Variants in PPP1R12B observed in about 807,000 individuals in gnomAD.
PPP1R12B encodes the protein myosin phosphatase target subunit 2.
A neutral mutation model predicts 126.1 loss-of-function variants in PPP1R12B; 76 were observed. That is an observed-to-expected ratio of 0.60 (90% CI 0.50 to 0.73). The LOEUF (loss-of-function observed/expected upper bound fraction) is 0.73. Among genes scored for constraint, PPP1R12B ranks in the 30% least tolerant of loss-of-function variants. The probability of loss-of-function intolerance (pLI) is 0.00; values close to 1 mark genes in which losing one functional copy is unlikely to be tolerated. For missense variants in PPP1R12B, 1,052 were observed against 1,205.1 expected, an observed-to-expected ratio of 0.87 and a Z score of 1.88; for synonymous variants, 356 against 434.7, an observed-to-expected ratio of 0.82 and a Z score of 2.25.
In PPP1R12B at chr1:202,416,842, A is replaced by C. The variant is rs771903776; in HGVS notation, c.347A>C (p.Asn116Thr). Residue 116 changes from asparagine to threonine, a missense_variant, in exon 2 of 24, where the codon AAT becomes ACT. Physicochemically the swap from Asn to Thr is moderately conservative, Grantham distance 65. Coordinates refer to ENST00000608999, the MANE Select transcript of PPP1R12B (RefSeq NM_002481.4). ...MVKFLVENRANVNQQDNEGWT... is the reference protein window; with the variant it reads ...MVKFLVENRATVNQQDNEGWT... ...AAGTTTCTGGTGGAGAACAGAGCCAATGTAAACCAGCAAGACAACGAGGGC... is the reference window on the plus strand; with the variant it reads ...AAGTTTCTGGTGGAGAACAGAGCCACTGTAAACCAGCAAGACAACGAGGGC... The C allele has an allele frequency of 2.5e-6, 4 of 1,614,084 alleles. No individual in the cohort carries two copies. Among genetic ancestry groups the C allele is most frequent in the Non-Finnish European group, 3.4e-6 (4 of 1,179,966 alleles).
chr1:202,404,852 G>C (rs929928993), intron 1 of PPP1R12B, among the ~76,000 whole-genome samples: 3 of 152,120 alleles, frequency 2.0e-5, no homozygotes, highest in African/African-American at 7.2e-5. Flanking sequence ...GACCAAGTTA[G>C]CAACTTCTTA....
At chr1:202,563,902 C>T (rs1312582760) in intron 20 of PPP1R12B, among the ~76,000 whole-genome samples, 4 of 152,004 alleles carry the variant, frequency 2.6e-5, no homozygotes, top group Non-Finnish European at 5.9e-5. Context: ...ACCCCCATCT[C>T]CACAAAAAAT....
At chr1:202,519,742 C>A (rs565015625) in intron 18 of PPP1R12B, among the ~76,000 whole-genome samples, 1 of 152,118 alleles carries the variant, frequency 6.6e-6, no homozygotes, top group South Asian at 2.1e-4. Context: ...TTGCTGCATG[C>A]TCCTTAGTTT....
chr1:202,567,509 T>C (rs561942850), intron 21 of PPP1R12B: 13 of 416,724 alleles, frequency 3.1e-5, no homozygotes, highest in Middle Eastern at 6.4e-4. Context: ...GAGAGAGAGA[T>C]TGTGTGTTGT....
At chr1:202,558,813 C>G (rs1485451937) in intron 18 of PPP1R12B, 64 bp from the exon 19 acceptor site, 28 of 1,071,414 alleles carry the variant, frequency 2.6e-5, no homozygotes, top group Non-Finnish European at 3.7e-5. Context: ...AAATCAGTCT[C>G]TTGCTAATGC....
chr1:202,374,387 A>G (rs545130935), intron 1 of PPP1R12B, among the ~76,000 whole-genome samples: 1 of 152,212 alleles, frequency 6.6e-6, no homozygotes, highest in Non-Finnish European at 1.5e-5. Flanking sequence ...AATAAAAGAG[A>G]CATGGACCTC....
chr1:202,511,558 CT>C (rs1371388006), intron 18 of PPP1R12B, among the ~76,000 whole-genome samples: 1 of 151,954 alleles, frequency 6.6e-6, no homozygotes, highest in Non-Finnish European at 1.5e-5. Flanking sequence ...ACCCTTCCCC[CT>C]GAGTCCCCAA....
intron 13 of PPP1R12B, among the ~76,000 whole-genome samples, chr1:202,474,681 A>G (rs927043548): frequency 2.0e-4 from 30 of 152,036 alleles, no homozygotes; most frequent in Non-Finnish European, 3.8e-4. Flanking sequence ...TTTTAATTGG[A>G]TTCTCGGGAC....
intron 1 of PPP1R12B, among the ~76,000 whole-genome samples, chr1:202,375,207 G>T (rs749564752): frequency 6.6e-6 from 1 of 152,166 alleles, no homozygotes; most frequent in Non-Finnish European, 1.5e-5. Flanking sequence ...GCCTCCCAAA[G>T]TGCTAGGATT....
At chr1:202,411,777 G>A (rs1265354914) in intron 1 of PPP1R12B, among the ~76,000 whole-genome samples, 2 of 152,106 alleles carry the variant, frequency 1.3e-5, no homozygotes, top group East Asian at 3.9e-4. Flanking sequence ...CCCACTCTAG[G>A]TTGTACACAT....
rs1459337882 is a variant in PPP1R12B at position 202,564,444 on chromosome 1, T to C, written c.2654T>C (p.Leu885Pro). 1 of 1,605,284 alleles carries C rather than the reference T, an allele frequency of 6.2e-7. No homozygotes were observed. Among genetic ancestry groups the C allele is most frequent in the Non-Finnish European group, 8.5e-7 (1 of 1,173,840 alleles). Residue 885 changes from leucine (L) to proline (P), a missense_variant and splice_region_variant, in exon 21 of 24, where the codon CTC becomes CCC. Physicochemically the swap from Leu to Pro is moderately conservative, Grantham distance 98 (BLOSUM62 -3). Coordinates refer to ENST00000608999, the MANE Select transcript of PPP1R12B (RefSeq NM_002481.4). ...EEDSNRDYKKLYESALTENQK... is the reference protein window; with the variant it reads ...EEDSNRDYKKPYESALTENQK... ...TCCTCTTTTTTCCCTCTCCTCTAGC[T>C]CTATGAGAGTGCTCTGACTGAAAAC...
chr1:202,383,382 T>C (rs1662647673), intron 1 of PPP1R12B, among the ~76,000 whole-genome samples: 1 of 152,246 alleles, frequency 6.6e-6, no homozygotes, highest in African/African-American at 2.4e-5. Flanking sequence ...TTTTATGATC[T>C]ATAAATGACA....
At chr1:202,360,022 T>G (rs1657879769) in intron 1 of PPP1R12B, among the ~76,000 whole-genome samples, 1 of 152,214 alleles carries the variant, frequency 6.6e-6, no homozygotes, top group Non-Finnish European at 1.5e-5. Context: ...TTTTTTTCTC[T>G]TACCTTATTT....
At chr1:202,453,048 G>A (rs538280834) in intron 13 of PPP1R12B, among the ~76,000 whole-genome samples, 7 of 152,230 alleles carry the variant, frequency 4.6e-5, no homozygotes, top group African/African-American at 1.7e-4. Context: ...GGACATCCTT[G>A]TCTTGTTTCA....
Position 202,581,498 on chromosome 1 carries a change from T to A in PPP1R12B, c.*938T>A, listed in dbSNP as rs765114287. 1 of 152,228 alleles carries A rather than the reference T, an allele frequency of 6.6e-6. No individual in the cohort carries two copies. Among genetic ancestry groups the A allele is most frequent in the Non-Finnish European group, 1.5e-5 (1 of 68,042 alleles). 9.4% of individuals were successfully genotyped at this position (152,228 alleles called of 1,614,324 possible). A position where few individuals can be genotyped will look rare whatever the true frequency, so the allele number is the denominator to read the frequency against. On this transcript the variant is annotated 3_prime_UTR_variant, in exon 24 of 24. Transcript: ENST00000608999. ...TCCCCCTTCAAAGTGATTTTCTTTA[T>A]AAGAAAATTTGGGCTCTGAATACTC... is the stretch of plus-strand genomic sequence containing the variant.
intron 13 of PPP1R12B, among the ~76,000 whole-genome samples, chr1:202,484,682 G>A (rs1677840005): frequency 6.6e-6 from 1 of 152,064 alleles, no homozygotes; most frequent in South Asian, 2.1e-4. Context: ...AGTGGTGATG[G>A]GTTTTTCTCA....
At chr1:202,551,819 G>A (rs1040038353) in intron 18 of PPP1R12B, among the ~76,000 whole-genome samples, 1 of 152,114 alleles carries the variant, frequency 6.6e-6, no homozygotes, top group African/African-American at 2.4e-5. Flanking sequence ...AAATCAGAAG[G>A]GCCATGTGAA....
chr1:202,586,427 T>C lies in PPP1R12B; in HGVS notation c.*5867T>C, dbSNP rs1265079054. The C allele has an allele frequency of 6.6e-6, 1 of 152,252 alleles. No homozygotes were observed. The highest frequency in any genetic ancestry group is 1.5e-5 in the Non-Finnish European group (1 of 68,058). 9.4% of individuals were successfully genotyped at this position (152,252 alleles called of 1,614,324 possible). A position where few individuals can be genotyped will look rare whatever the true frequency, so the allele number is the denominator to read the frequency against. ...CTTTGTCACACAGAAATGAGTTCTGTCTCACTGGTGACTTCATCCCTCAGG... is the reference window on the plus strand; with the variant it reads ...CTTTGTCACACAGAAATGAGTTCTGCCTCACTGGTGACTTCATCCCTCAGG... On this transcript the variant is annotated 3_prime_UTR_variant, in exon 24 of 24. Coordinates refer to ENST00000608999, the MANE Select transcript of PPP1R12B (RefSeq NM_002481.4).
At position 202,565,372 on chromosome 1, in the gene PPP1R12B, G is replaced by C. The variant is rs1371076676; in HGVS notation, c.2757+825G>C. On this transcript the variant is annotated intron_variant, in intron 21 of 23. Coordinates refer to ENST00000608999, the MANE Select transcript of PPP1R12B (RefSeq NM_002481.4). This position sits in a 1 kb window ranked among gnomAD's most constrained non-coding sequence, Gnocchi z 4.3. The stretch of plus-strand genomic sequence containing the variant: ...AGTAAAAATGATTCTTTAGCAGGAA[G>C]GCTTGAAATGAAAACCAGAGGTGGC... Among the ~76,000 whole-genome samples, 1 of 152,196 alleles carries C rather than the reference G, an allele frequency of 6.6e-6. No individual in the cohort carries two copies. The highest frequency in any genetic ancestry group is 2.1e-4 in the South Asian group (1 of 4,838).
Sources: allele counts gnomAD v4.1 joint callset (sites outside exome capture counted in the v4.1 genomes callset), GRCh38; gene constraint gnomAD v4.1.1; non-coding constraint Gnocchi (gnomAD v3.1); transcripts MANE v1.5; gene names NCBI Gene and HGNC (gene_info 2026-07-23, HGNC 2026-07-21).